The following SGTB variants were observed in gnomAD, a reference collection of about 807,000 sequenced individuals.
SGTB encodes small glutamine rich tetratricopeptide repeat co-chaperone beta, also known as small glutamine-rich tetratricopeptide repeat-containing protein beta.
A neutral mutation model predicts 43.9 loss-of-function variants in SGTB; 19 were observed. The observed-to-expected ratio is 0.43, with a 90% confidence interval of 0.30 to 0.63. The LOEUF (loss-of-function observed/expected upper bound fraction) is 0.63, where lower values mean the gene tolerates loss of function less well. Ranked by LOEUF, SGTB falls within the 30% of genes least tolerant of loss-of-function variation. The pLI is 0.12. For missense variants in SGTB, 304 were observed against 358.9 expected (o/e 0.85, Z 1.24); for synonymous variants, 116 against 117.3 (o/e 0.99, Z 0.07).
At chr5:65,716,285 G>A (rs973173033) in intron 2 of SGTB, among the ~76,000 whole-genome samples, 1 of 152,194 alleles carries the variant, frequency 6.6e-6, no homozygotes, top group Non-Finnish European at 1.5e-5. Flanking sequence ...GGGAGGAGTA[G>A]GTGAACAATA....
chr5:65,686,018 C>T (rs541211213), intron 5 of SGTB, among the ~76,000 whole-genome samples: 2 of 152,260 alleles, frequency 1.3e-5, no homozygotes, highest in Non-Finnish European at 2.9e-5. Context: ...GTTGAAGAGC[C>T]AACTTTGGAA....
intron 5 of SGTB, among the ~76,000 whole-genome samples, chr5:65,686,643 G>A (rs998687527): frequency 6.6e-6 from 1 of 151,926 alleles, no homozygotes; most frequent in African/African-American, 2.4e-5. Context: ...ACAGGCATGA[G>A]CCACCGCACC....
chr5:65,702,646 G>A (rs1757846578), intron 5 of SGTB, among the ~76,000 whole-genome samples: 1 of 152,160 alleles, frequency 6.6e-6, no homozygotes, highest in Non-Finnish European at 1.5e-5. Context: ...CTTTCATAAA[G>A]GTACTAATCC....
chr5:65,706,612 AC>A (rs1218872121), intron 4 of SGTB, among the ~76,000 whole-genome samples: 17 of 152,206 alleles, frequency 1.1e-4, no homozygotes, highest in African/African-American at 4.1e-4. Context: ...TGGGTGGATC[AC>A]CTGAGGTCAG....
In SGTB at chr5:65,669,685, C is replaced by A. The variant is rs868653814; in HGVS notation, c.*561G>T. On this transcript the variant is annotated 3_prime_UTR_variant, in exon 11 of 11. Coordinates refer to ENST00000381007, the MANE Select transcript of SGTB (RefSeq NM_019072.3). ...TCTTAAGATTCTCTGTTCACCAGAACAAGCAACATTAAAGATAACATTGGT... is the reference window on the plus strand; with the variant it reads ...TCTTAAGATTCTCTGTTCACCAGAAAAAGCAACATTAAAGATAACATTGGT... 6.6e-6 allele frequency: 1 copy of A among 152,620 alleles called. No individual in the cohort carries two copies. Among genetic ancestry groups the A allele is most frequent in the East Asian group, 1.9e-4 (1 of 5,198 alleles). The allele number at this position is 152,620 out of a possible 1,614,324, so 9.5% of individuals were successfully genotyped here.
At chr5:65,711,017 TA>T (rs748614323) in intron 3 of SGTB, among the ~76,000 whole-genome samples, 1,687 of 106,480 alleles carry the variant, frequency 0.016, 16 homozygotes, top group Non-Finnish European at 0.024. Flanking sequence ...AAAAAAAAAA[TA>T]GCCAGGCGTG....
chr5:65,676,879 T>G (rs1757275169), intron 8 of SGTB, among the ~76,000 whole-genome samples: 1 of 151,812 alleles, frequency 6.6e-6, no homozygotes, highest in Non-Finnish European at 1.5e-5. Flanking sequence ...GCTAGAAAGA[T>G]CTCCAGTTGA....
At chr5:65,701,214 T>C (rs1036574755) in intron 5 of SGTB, among the ~76,000 whole-genome samples, 7 of 151,870 alleles carry the variant, frequency 4.6e-5, no homozygotes, top group Non-Finnish European at 8.8e-5. Flanking sequence ...CTACCCTAAA[T>C]ATGATAATAA....
At chr5:65,721,666 C>T (rs1402183365) in intron 1 of SGTB, among the ~76,000 whole-genome samples, 3 of 152,174 alleles carry the variant, frequency 2.0e-5, no homozygotes, top group East Asian at 1.9e-4. Flanking sequence ...AGCCTCTAGG[C>T]CACGGGGTCA....
intron 5 of SGTB, among the ~76,000 whole-genome samples, chr5:65,687,666 T>G (rs1367903226): frequency 5.3e-5 from 8 of 152,226 alleles, no homozygotes; most frequent in Admixed American, 3.9e-4. Flanking sequence ...TGGTCTATTC[T>G]GCCTGGTTGC....
intron 5 of SGTB, among the ~76,000 whole-genome samples, chr5:65,686,506 T>C (rs1757502128): frequency 6.6e-6 from 1 of 151,280 alleles, no homozygotes; most frequent in Non-Finnish European, 1.5e-5. Context: ...ATTCTCTCTT[T>C]ACCCACATTT....
Position 65,708,527 on chromosome 5 carries a change from G to A in SGTB, c.236C>T (p.Pro79Leu), listed in dbSNP as rs1022388705. 1 of 1,613,118 alleles carries A rather than the reference G, an allele frequency of 6.2e-7. No individual in the cohort carries two copies. Among genetic ancestry groups the A allele is most frequent in the Admixed American group, 1.7e-5 (1 of 59,868 alleles). Residue 79 changes from proline (P) to leucine (L), a missense_variant, in exon 4 of 11, where the codon CCT becomes CTT. By Grantham distance (98) the Pro-to-Leu change is moderately conservative (BLOSUM62 -3). Transcript: ENST00000381007. ...NDVLPLSNSV[P>L]EDVGKADQLK... The stretch of plus-strand genomic sequence containing the variant: ...TTGGTCAGCTTTTCCCACATCTTCA[G>A]GCACTGAGTTTGAAAGGGGCAGAAC...
In SGTB at chr5:65,695,728, A is replaced by G. The variant is rs113821820; in HGVS notation, c.374+8551T>C. ...CTACTTCACATTTCTCACATCATGC[A>G]TAAATAAATTATGGCAAAAATCTAT... On this transcript the variant is annotated intron_variant, in intron 5 of 10. Transcript: ENST00000381007. 1.6e-4 allele frequency among the ~76,000 whole-genome samples: 25 copies of G among 152,358 alleles called. 2 individuals carry two copies. The highest frequency in any genetic ancestry group is 6.0e-4 in the African/African-American group (25 of 41,588).
intron 8 of SGTB, among the ~76,000 whole-genome samples, chr5:65,674,574 T>C (rs374072572): frequency 5.9e-5 from 9 of 152,334 alleles, no homozygotes; most frequent in African/African-American, 2.2e-4. Context: ...TTCCTTCATA[T>C]AGGGAGCCCT....
chr5:65,720,490 G>A lies in SGTB; in HGVS notation c.100+218C>T, dbSNP rs919739856. Among the ~76,000 whole-genome samples, 5 of 152,198 alleles carry A rather than the reference G, an allele frequency of 3.3e-5. No homozygotes were observed. The East Asian group carries it at 9.6e-4, about 29-fold the overall frequency. ...AGCATACTTCTGACATATAGTATTT[G>A]TTCAATAAATGAACAATAGTCCTCT... On this transcript the variant is annotated intron_variant, in intron 2 of 10. Coordinates refer to ENST00000381007, the MANE Select transcript of SGTB (RefSeq NM_019072.3).
chr5:65,705,327 A>T (rs1482748191), intron 4 of SGTB, among the ~76,000 whole-genome samples: 1 of 152,138 alleles, frequency 6.6e-6, no homozygotes, highest in Non-Finnish European at 1.5e-5. Context: ...AGTGGTACAC[A>T]CTTGTAGTCC....
In SGTB at chr5:65,672,000, T is replaced by C; in HGVS notation, c.720-2A>G. 1 of 1,613,900 alleles carries C rather than the reference T, an allele frequency of 6.2e-7. No individual in the cohort carries two copies. The highest frequency in any genetic ancestry group is 2.2e-5 in the East Asian group (1 of 44,880). ...GCATTTGTCATCATTCCTGACATTC[T>C]AGAGTACACAAGAAATACATCACTG... is the stretch of plus-strand genomic sequence containing the variant. On this transcript the variant is annotated splice_acceptor_variant, in intron 9 of 10. Transcript: ENST00000381007. LOFTEE classifies it high-confidence loss of function.
intron 2 of SGTB, among the ~76,000 whole-genome samples, chr5:65,714,183 C>T (rs1161220940): frequency 6.6e-6 from 1 of 152,126 alleles, no homozygotes; most frequent in Non-Finnish European, 1.5e-5. Context: ...GCCCCCAGCA[C>T]ATAGGAAGAA....
Position 65,672,237 on chromosome 5 carries a change from T to C in SGTB, c.719+7A>G. 6.2e-7 allele frequency: 1 copy of C among 1,614,062 alleles called. No individual in the cohort carries two copies. The highest frequency in any genetic ancestry group is 8.5e-7 in the Non-Finnish European group (1 of 1,179,984). Reference sequence around the variant, plus strand: ...GGAAGTGTAATAAGCTCTTTCTATATACTTACAGCTGTTGAACTTGAGGGT... The same window carrying C: ...GGAAGTGTAATAAGCTCTTTCTATACACTTACAGCTGTTGAACTTGAGGGT... On this transcript the variant is annotated splice_region_variant and intron_variant, in intron 9 of 10. Coordinates refer to ENST00000381007, the MANE Select transcript of SGTB (RefSeq NM_019072.3).
Sources: gnomAD v4.1 joint callset for allele counts (sites outside exome capture counted in the v4.1 genomes callset) on GRCh38, gnomAD v4.1.1 for gene constraint, MANE v1.5 for transcripts, NCBI Gene and HGNC (gene_info 2026-07-23, HGNC 2026-07-21) for gene names.